Variants in ERC2 observed in about 807,000 individuals in gnomAD.
ERC2 encodes the protein ERC protein 2.
ERC2 carries 42 observed loss-of-function variants against 114.8 expected under a neutral mutation model. The observed-to-expected ratio is 0.37, with a 90% CI of 0.29 to 0.47. The LOEUF is 0.47. ERC2 is among the 20% of genes least tolerant of loss of function. ERC2 has a pLI of 0.99. For missense variants in ERC2, 939 were observed against 1,150.7 expected, an observed-to-expected ratio of 0.82 and a Z score of 2.66; for synonymous variants, 454 against 425.5, an observed-to-expected ratio of 1.07 and a Z score of -0.82.
chr3:55,723,658 A>T (rs1237937453), intron 15 of ERC2, among the ~76,000 whole-genome samples: 3 of 152,204 alleles, frequency 2.0e-5, no homozygotes, highest in Non-Finnish European at 4.4e-5. Flanking sequence ...TAATCATGAG[A>T]GGAGAGGGTG....
At chr3:55,789,490 G>C (rs375336737) in intron 14 of ERC2, among the ~76,000 whole-genome samples, 3 of 152,318 alleles carry the variant, frequency 2.0e-5, no homozygotes, top group African/African-American at 7.2e-5. Context: ...CAAATTTCAA[G>C]CTAAAAAGAC....
chr3:56,176,960 CTT>C lies in ERC2; in HGVS notation c.1075-3442_1075-3441del, dbSNP rs1367311737. On this transcript the variant is annotated intron_variant, in intron 3 of 17. Coordinates refer to ENST00000288221, the MANE Select transcript of ERC2 (RefSeq NM_015576.3). ...TCCTAACTAGTCCTCAACTCTCCCT[CTT>C]TTTCTATCTACTAGCTAGAAGTGAA... Among the ~76,000 whole-genome samples the C allele has an allele frequency of 7.9e-5, 12 of 152,356 alleles. No homozygotes were observed. The East Asian group carries it at 2.1e-3, about 27-fold the overall frequency.
At chr3:56,234,149 C>T (rs904680562) in intron 3 of ERC2, among the ~76,000 whole-genome samples, 8 of 152,326 alleles carry the variant, frequency 5.3e-5, no homozygotes, top group African/African-American at 1.9e-4. Context: ...TAATCTACTA[C>T]AATTCTATAT....
At chr3:56,284,271 A>G (rs1357557201) in intron 3 of ERC2, among the ~76,000 whole-genome samples, 1 of 152,246 alleles carries the variant, frequency 6.6e-6, no homozygotes, top group Admixed American at 6.5e-5. Context: ...TTTCAATTGC[A>G]TAAAAAGCCA....
At chr3:55,603,247 T>C (rs961754430) in intron 17 of ERC2, among the ~76,000 whole-genome samples, 1 of 152,182 alleles carries the variant, frequency 6.6e-6, no homozygotes, top group African/African-American at 2.4e-5. Flanking sequence ...CCTGTTATTG[T>C]GAAACTTAGA....
chr3:56,103,298 G>A (rs545513818), intron 6 of ERC2, among the ~76,000 whole-genome samples: 1 of 152,266 alleles, frequency 6.6e-6, no homozygotes, highest in South Asian at 2.1e-4. Context: ...AGATGATACA[G>A]ATGAACTGGG....
chr3:56,284,154 G>C (rs2054531269), intron 3 of ERC2, among the ~76,000 whole-genome samples: 1 of 152,218 alleles, frequency 6.6e-6, no homozygotes, highest in Non-Finnish European at 1.5e-5. Flanking sequence ...TTTGGGGTGA[G>C]TGGTGTAGGT....
intron 2 of ERC2, among the ~76,000 whole-genome samples, chr3:56,325,020 A>G (rs2057294084): frequency 6.6e-6 from 1 of 151,756 alleles, no homozygotes; most frequent in African/African-American, 2.4e-5. Context: ...AGACCCCCAC[A>G]TATGTCCTGC....
intron 3 of ERC2, among the ~76,000 whole-genome samples, chr3:56,199,176 G>A (rs1404490681): frequency 6.6e-6 from 1 of 152,116 alleles, no homozygotes; most frequent in Non-Finnish European, 1.5e-5. Flanking sequence ...TGCTATGAAG[G>A]AAACAAACAG....
At chr3:55,870,814 A>G (rs57370713) in intron 14 of ERC2, among the ~76,000 whole-genome samples, 200 of 152,346 alleles carry the variant, frequency 1.3e-3, no homozygotes, top group African/African-American at 4.6e-3. Flanking sequence ...CCTTGGCTCA[A>G]AGCCAACTCT....
intron 2 of ERC2, among the ~76,000 whole-genome samples, chr3:56,324,552 A>G (rs1210324938): frequency 6.6e-6 from 1 of 152,134 alleles, no homozygotes; most frequent in African/African-American, 2.4e-5. Flanking sequence ...AAGCCAAACC[A>G]TCATGAGTTA....
At chr3:55,750,160 A>G (rs533017186) in intron 14 of ERC2, among the ~76,000 whole-genome samples, 159 of 152,342 alleles carry the variant, frequency 1.0e-3, no homozygotes, top group Middle Eastern at 3.4e-3. Flanking sequence ...GTAAAGAAAA[A>G]GACTTAAATT....
intron 17 of ERC2, among the ~76,000 whole-genome samples, chr3:55,643,026 CTT>C (rs1374595966): frequency 6.6e-6 from 1 of 152,082 alleles, no homozygotes; most frequent in Non-Finnish European, 1.5e-5. Context: ...TAAATTTACT[CTT>C]GAGTATTTTA....
chr3:55,550,843 C>A (rs539352537), intron 17 of ERC2, among the ~76,000 whole-genome samples: 2 of 151,938 alleles, frequency 1.3e-5, no homozygotes, highest in Non-Finnish European at 1.5e-5. Flanking sequence ...GGTGAAACCC[C>A]ATCTCTACTA....
At chr3:56,201,659 G>A (rs993990636) in intron 3 of ERC2, among the ~76,000 whole-genome samples, 2 of 152,180 alleles carry the variant, frequency 1.3e-5, no homozygotes, top group African/African-American at 4.8e-5. Flanking sequence ...TTGCTTCAGT[G>A]GGTACAACAG....
intron 14 of ERC2, 93 bp from the exon 15 acceptor site, chr3:55,735,011 G>T: frequency 1.5e-6 from 2 of 1,292,784 alleles, no homozygotes; most frequent in Non-Finnish European, 2.1e-6. Context: ...ACAGAGTATT[G>T]TCTCAATGGA....
At chr3:55,524,018 C>T (rs9868153) in intron 17 of ERC2, among the ~76,000 whole-genome samples, 2 of 152,224 alleles carry the variant, frequency 1.3e-5, no homozygotes, top group African/African-American at 4.8e-5. Context: ...CTTAACCTCT[C>T]TGAGCCTCAG....
At chr3:56,388,037 C>A (rs1047300485) in intron 2 of ERC2, among the ~76,000 whole-genome samples, 2 of 152,128 alleles carry the variant, frequency 1.3e-5, no homozygotes, top group African/African-American at 2.4e-5. Context: ...CCTTTAAGAC[C>A]TTTCCAATAT....
intron 17 of ERC2, among the ~76,000 whole-genome samples, chr3:55,595,801 A>T (rs1345043748): frequency 6.6e-6 from 1 of 152,234 alleles, no homozygotes; most frequent in Non-Finnish European, 1.5e-5. Flanking sequence ...CCGCCATGTT[A>T]TCTATAAACC....
Sources: allele counts gnomAD v4.1 joint callset (sites outside exome capture counted in the v4.1 genomes callset), GRCh38; gene constraint gnomAD v4.1.1; transcripts MANE v1.5; gene names NCBI Gene and HGNC (gene_info 2026-07-23, HGNC 2026-07-21).